Variants in ERC1 observed in about 807,000 individuals in gnomAD.
The protein encoded by ERC1 is ELKS/RAB6-interacting/CAST family member 1, also known as RAB6 interacting protein 2.
A neutral mutation model predicts 132.0 loss-of-function variants in ERC1; 56 were observed. That is an observed-to-expected ratio of 0.42 (90% CI 0.34 to 0.53). The LOEUF is 0.53. ERC1 is among the 20% of genes least tolerant of loss of function. The pLI is 0.03. For missense variants in ERC1, 1,202 were observed against 1,349.9 expected (o/e 0.89, Z 1.72); for synonymous variants, 478 against 476.1 (o/e 1.00, Z -0.05).
intron 12 of ERC1, among the ~76,000 whole-genome samples, chr12:1,236,542 G>A (rs73027420): frequency 0.031 from 4,649 of 152,102 alleles, 94 homozygotes; most frequent in South Asian, 0.057. Flanking sequence ...ATTGTTCTTC[G>A]TAGAATACAT....
At chr12:1,301,423 C>T (rs897131873) in intron 15 of ERC1, among the ~76,000 whole-genome samples, 4 of 152,164 alleles carry the variant, frequency 2.6e-5, no homozygotes, top group Non-Finnish European at 5.9e-5. Flanking sequence ...CCTAAATGCT[C>T]ATCAGTGGTG....
intron 17 of ERC1, among the ~76,000 whole-genome samples, chr12:1,410,146 A>C (rs1323777183): frequency 6.6e-6 from 1 of 152,174 alleles, no homozygotes; most frequent in Non-Finnish European, 1.5e-5. Flanking sequence ...ATATATATAT[A>C]TGTATGTATA....
chr12:1,433,148 T>TTA (rs1343409869), intron 17 of ERC1, among the ~76,000 whole-genome samples: 1 of 152,142 alleles, frequency 6.6e-6, no homozygotes, highest in Non-Finnish European at 1.5e-5. Context: ...TTAGTTAAGA[T>TTA]TATAAGATGC....
At chr12:1,033,801 T>C (rs1968543524) in intron 2 of ERC1, among the ~76,000 whole-genome samples, 1 of 152,176 alleles carries the variant, frequency 6.6e-6, no homozygotes, top group South Asian at 2.1e-4. Flanking sequence ...GGCTAATTTT[T>C]TGTATTTTAG....
intron 15 of ERC1, among the ~76,000 whole-genome samples, chr12:1,304,177 AG>A (rs2080651839): frequency 6.6e-6 from 1 of 152,176 alleles, no homozygotes; most frequent in South Asian, 2.1e-4. Context: ...AGTCTATAAA[AG>A]GAAAACACAG....
At chr12:1,136,996 G>C (rs1294730144) in intron 7 of ERC1, among the ~76,000 whole-genome samples, 5 of 151,858 alleles carry the variant, frequency 3.3e-5, no homozygotes, top group Admixed American at 3.3e-4. Context: ...TCTTTGGTAT[G>C]TGATAACAGA....
intron 17 of ERC1, among the ~76,000 whole-genome samples, chr12:1,434,066 A>G (rs1207104548): frequency 2.0e-5 from 3 of 151,820 alleles, no homozygotes; most frequent in Non-Finnish European, 4.4e-5. Flanking sequence ...AACATGGTGC[A>G]GAAAAGGCAT....
chr12:1,007,338 A>G (rs1963815324), intron 1 of ERC1, among the ~76,000 whole-genome samples: 6 of 152,210 alleles, frequency 3.9e-5, no homozygotes, highest in Admixed American at 3.9e-4. Context: ...AGAGGAGGCT[A>G]TGTGAGGAAG....
At chr12:1,422,463 CCTGA>C (rs2092463235) in intron 17 of ERC1, among the ~76,000 whole-genome samples, 1 of 151,986 alleles carries the variant, frequency 6.6e-6, no homozygotes, top group Non-Finnish European at 1.5e-5. Context: ...TCTCTCTGTG[CCTGA>C]CTTTTTCACT....
chr12:1,135,222 A>G (rs1210146448), intron 7 of ERC1, among the ~76,000 whole-genome samples: 2 of 152,030 alleles, frequency 1.3e-5, no homozygotes, highest in Non-Finnish European at 2.9e-5. Flanking sequence ...ATTTTCTGTT[A>G]CTGGAGGCAT....
chr12:1,364,917 G>C (rs1182495382), intron 15 of ERC1, among the ~76,000 whole-genome samples: 1 of 152,106 alleles, frequency 6.6e-6, no homozygotes, highest in African/African-American at 2.4e-5. Flanking sequence ...TAATACACTA[G>C]ATGTTCCTTT....
chr12:1,316,278 C>G (rs2081711550), intron 15 of ERC1, among the ~76,000 whole-genome samples: 1 of 152,088 alleles, frequency 6.6e-6, no homozygotes, highest in Non-Finnish European at 1.5e-5. Flanking sequence ...AACCACCTTC[C>G]ACTTAATTCA....
intron 7 of ERC1, among the ~76,000 whole-genome samples, chr12:1,126,499 G>T (rs73591871): frequency 1.8e-3 from 268 of 152,312 alleles, no homozygotes; most frequent in African/African-American, 6.3e-3. Context: ...AGACCTCAGT[G>T]TTAAAGAGAA....
chr12:1,384,573 C>T (rs12322002), intron 16 of ERC1, among the ~76,000 whole-genome samples: 74 of 152,106 alleles, frequency 4.9e-4, no homozygotes, highest in African/African-American at 1.5e-3. Flanking sequence ...AATTTGCATA[C>T]TTAACAGCTC....
intron 8 of ERC1, among the ~76,000 whole-genome samples, chr12:1,167,876 C>A (rs561645613): frequency 1.3e-4 from 20 of 152,064 alleles, no homozygotes; most frequent in African/African-American, 4.6e-4. Context: ...GCCACCACAC[C>A]CTGCTAATTT....
intron 8 of ERC1, among the ~76,000 whole-genome samples, chr12:1,163,643 G>A (rs1249082829): frequency 6.6e-6 from 1 of 152,184 alleles, no homozygotes; most frequent in Admixed American, 6.5e-5. Flanking sequence ...CTCCTACCAA[G>A]ATGGCTTATT....
intron 17 of ERC1, chr12:1,410,444 G>T: frequency 7.6e-7 from 1 of 1,310,624 alleles, no homozygotes; most frequent in Middle Eastern, 2.1e-4. Flanking sequence ...CAGCCATTTT[G>T]TTCAGAACGG....
chr12:1,233,463 C>G (rs2075195182), intron 12 of ERC1, among the ~76,000 whole-genome samples: 1 of 123,722 alleles, frequency 8.1e-6, no homozygotes, highest in Admixed American at 8.8e-5. Context: ...AGAGTGAGAC[C>G]CTGTCTCAAA....
chr12:1,469,919 G>T (rs1340853425), intron 18 of ERC1, among the ~76,000 whole-genome samples: 1 of 119,088 alleles, frequency 8.4e-6, no homozygotes, highest in Non-Finnish European at 1.6e-5. Context: ...CCATGTCCCT[G>T]TGGTGTGCCA....
Sources: allele counts gnomAD v4.1 joint callset (sites outside exome capture counted in the v4.1 genomes callset), GRCh38; gene constraint gnomAD v4.1.1; transcripts MANE v1.5; gene names NCBI Gene and HGNC (gene_info 2026-07-23, HGNC 2026-07-21).